The following ATP11A variants were observed in gnomAD, a reference collection of about 807,000 sequenced individuals.
ATP11A encodes ATPase phospholipid transporting 11A, also known as phospholipid-transporting ATPase IH.
In ATP11A, 81 loss-of-function variants were observed where a neutral mutation model predicts 154.4. The observed-to-expected ratio is 0.52, with a 90% CI of 0.44 to 0.63. The LOEUF is 0.63. ATP11A is among the 30% of genes least tolerant of loss of function. The pLI is 0.00. For missense variants in ATP11A, 1,316 were observed against 1,474.3 expected (o/e 0.89, Z 1.76); for synonymous variants, 623 against 585.9 (o/e 1.06, Z -0.91).
At chr13:112,716,111 C>G (rs969677833) in intron 1 of ATP11A, among the ~76,000 whole-genome samples, 3 of 151,962 alleles carry the variant, frequency 2.0e-5, no homozygotes, top group Non-Finnish European at 4.4e-5. Flanking sequence ...GGTGGCTGCT[C>G]CGTCTTCTGA....
At chr13:112,692,964 AC>A (rs1403622307) in intron 1 of ATP11A, among the ~76,000 whole-genome samples, 1 of 152,030 alleles carries the variant, frequency 6.6e-6, no homozygotes, top group Non-Finnish European at 1.5e-5. Context: ...AGATAAATAG[AC>A]CCTGTTCCTT....
At chr13:112,720,190 G>T (rs1328084790) in intron 1 of ATP11A, among the ~76,000 whole-genome samples, 5 of 152,180 alleles carry the variant, frequency 3.3e-5, no homozygotes, top group African/African-American at 1.2e-4. Context: ...TCACAGTTTG[G>T]GTTTGTATAT....
intron 1 of ATP11A, among the ~76,000 whole-genome samples, chr13:112,718,205 C>T (rs540579419): frequency 5.9e-5 from 9 of 152,014 alleles, no homozygotes; most frequent in South Asian, 2.1e-4. Context: ...TTTGCTTTTC[C>T]GTAAAGAACA....
chr13:112,732,642 C>T (rs1278917614), intron 1 of ATP11A, among the ~76,000 whole-genome samples: 1 of 152,188 alleles, frequency 6.6e-6, no homozygotes, highest in Non-Finnish European at 1.5e-5. Context: ...GACAGAGTCT[C>T]GCTTTGTTGC....
chr13:112,704,375 T>A (rs1886915910), intron 1 of ATP11A, among the ~76,000 whole-genome samples: 1 of 152,232 alleles, frequency 6.6e-6, no homozygotes, highest in Non-Finnish European at 1.5e-5. Context: ...TGCGCTCTCT[T>A]TCACTGAAAA....
At chr13:112,847,178 C>T (rs1245249830) in intron 17 of ATP11A, among the ~76,000 whole-genome samples, 3 of 152,148 alleles carry the variant, frequency 2.0e-5, no homozygotes, top group Non-Finnish European at 2.9e-5. Flanking sequence ...AGGGCCCCCT[C>T]GGTTGGCAGC....
intron 1 of ATP11A, among the ~76,000 whole-genome samples, chr13:112,782,652 G>GC (rs1207692156): frequency 6.6e-6 from 1 of 152,216 alleles, no homozygotes; most frequent in Non-Finnish European, 1.5e-5. Context: ...AGCAGGGAAG[G>GC]CCCCCGTCAG....
At chr13:112,781,548 G>A (rs1457563656) in intron 1 of ATP11A, among the ~76,000 whole-genome samples, 2 of 152,090 alleles carry the variant, frequency 1.3e-5, no homozygotes, top group Non-Finnish European at 2.9e-5. Flanking sequence ...TTTGACGGAC[G>A]CGTGGTGTGA....
chr13:112,858,630 C>G (rs1277681575), intron 22 of ATP11A: 7 of 214,206 alleles, frequency 3.3e-5, no homozygotes, highest in Middle Eastern at 2.0e-3. Flanking sequence ...TGGCTTGTCC[C>G]TTTGTCCGGT....
chr13:112,802,600 A>T (rs555796159), intron 2 of ATP11A, among the ~76,000 whole-genome samples: 7 of 151,404 alleles, frequency 4.6e-5, no homozygotes, highest in Non-Finnish European at 8.8e-5. Flanking sequence ...CTAGACAGTG[A>T]TCACACACCG....
chr13:112,791,396 C>T (rs1238445661), intron 2 of ATP11A, among the ~76,000 whole-genome samples: 5 of 152,262 alleles, frequency 3.3e-5, no homozygotes, highest in South Asian at 2.1e-4. Context: ...GCTCGCCCGA[C>T]AGCCCCACAT....
intron 19 of ATP11A, among the ~76,000 whole-genome samples, chr13:112,855,347 G>T (rs376808367): frequency 6.6e-6 from 1 of 152,114 alleles, no homozygotes; most frequent in Non-Finnish European, 1.5e-5. Context: ...GATTAAAAGC[G>T]CTCACCTTTT....
intron 9 of ATP11A, among the ~76,000 whole-genome samples, chr13:112,824,040 A>T (rs1342756639): frequency 6.6e-6 from 1 of 152,040 alleles, no homozygotes; most frequent in Non-Finnish European, 1.5e-5. Context: ...GATTTTTTTC[A>T]AATATTTTCC....
At chr13:112,880,629 G>T (rs964493264) in intron 29 of ATP11A, 2 of 1,296,610 alleles carry the variant, frequency 1.5e-6, no homozygotes, top group Non-Finnish European at 1.0e-6. Context: ...GGCGGCCAAG[G>T]CGCAGTTAGC....
intron 1 of ATP11A, among the ~76,000 whole-genome samples, chr13:112,769,606 C>A (rs1381700616): frequency 6.6e-6 from 1 of 152,238 alleles, no homozygotes; most frequent in Non-Finnish European, 1.5e-5. Context: ...AACCTCGACA[C>A]CACCCTGGTT....
At chr13:112,856,195 C>T in intron 20 of ATP11A, 110 bp downstream of exon 20, 5 of 1,130,394 alleles carry the variant, frequency 4.4e-6, no homozygotes, top group Non-Finnish European at 6.2e-6. Context: ...AGGGTACCAC[C>T]TGTTAAAAAT....
At chr13:112,826,947 T>A in intron 12 of ATP11A, 56 bp downstream of exon 12, 1 of 1,573,934 alleles carries the variant, frequency 6.4e-7, no homozygotes, top group Non-Finnish European at 8.7e-7. Context: ...TGAGTCTGCT[T>A]CACGTTCCTC....
At position 112,851,349 on chromosome 13, in the gene ATP11A, G is replaced by C. The variant is rs201840897; in HGVS notation, c.1991+131G>C. Reference sequence around the variant, plus strand: ...CGACGGGGCGTGTTTGCTGCTCAGGGAGAGGCTAGGTGTCTTGCTACACCC... The same window carrying C: ...CGACGGGGCGTGTTTGCTGCTCAGGCAGAGGCTAGGTGTCTTGCTACACCC... On this transcript the variant is annotated intron_variant, in intron 18 of 29. Coordinates refer to ENST00000375645, the MANE Select transcript of ATP11A (RefSeq NM_015205.3). 135 of 812,242 alleles carry C rather than the reference G, an allele frequency of 1.7e-4. No individual in the cohort carries two copies. The East Asian group carries it at 3.3e-3, about 20-fold the overall frequency. The allele number at this position is 812,242 out of a possible 1,614,324, so 50.3% of individuals were successfully genotyped here.
chr13:112,740,475 A>C (rs1403900626), intron 1 of ATP11A, among the ~76,000 whole-genome samples: 1 of 152,120 alleles, frequency 6.6e-6, no homozygotes. Flanking sequence ...TCTCGGCCCA[A>C]ATCTTTCTTA....
Sources: gnomAD v4.1 joint callset for allele counts (sites outside exome capture counted in the v4.1 genomes callset) on GRCh38, gnomAD v4.1.1 for gene constraint, MANE v1.5 for transcripts, NCBI Gene and HGNC (gene_info 2026-07-23, HGNC 2026-07-21) for gene names.